Variants in RCAN1 observed in about 807,000 individuals in gnomAD.
RCAN1 encodes the protein regulator of calcineurin 1.
Under a neutral mutation model 22.9 loss-of-function variants are expected in RCAN1, and 11 were observed. The observed-to-expected ratio is 0.48, with a 90% CI of 0.30 to 0.79. The LOEUF (loss-of-function observed/expected upper bound fraction) is 0.79, where lower values mean the gene tolerates loss of function less well. RCAN1 is among the 30% of genes least tolerant of loss of function. The probability of loss-of-function intolerance (pLI) is 0.06; values close to 1 mark genes in which losing one functional copy is unlikely to be tolerated. For missense variants in RCAN1, 291 were observed against 337.8 expected, an observed-to-expected ratio of 0.86 and a Z score of 1.09; for synonymous variants, 136 against 142.3, an observed-to-expected ratio of 0.96 and a Z score of 0.32.
chr21:34,596,331 G>A (rs1344699476), intron 1 of RCAN1, among the ~76,000 whole-genome samples: 1 of 152,176 alleles, frequency 6.6e-6, no homozygotes, highest in East Asian at 1.9e-4. Context: ...TGCTTCTTTT[G>A]AATGAACGAC....
At chr21:34,558,683 A>T (rs1986677499) in intron 1 of RCAN1, among the ~76,000 whole-genome samples, 1 of 152,252 alleles carries the variant, frequency 6.6e-6, no homozygotes, top group African/African-American at 2.4e-5. Context: ...TGGTTTTTCA[A>T]GGAACCACGG....
At chr21:34,538,404 A>C (rs569732196) in intron 1 of RCAN1, among the ~76,000 whole-genome samples, 5 of 152,242 alleles carry the variant, frequency 3.3e-5, no homozygotes, top group Admixed American at 3.3e-4. Context: ...ATCCTGAGGG[A>C]GGACACAGTG....
chr21:34,586,369 C>A (rs1487133085), intron 1 of RCAN1, among the ~76,000 whole-genome samples: 1 of 147,964 alleles, frequency 6.8e-6, no homozygotes, highest in African/African-American at 2.5e-5. Flanking sequence ...AATGGAATTA[C>A]TCTAGGAATC....
intron 1 of RCAN1, among the ~76,000 whole-genome samples, chr21:34,569,922 T>C (rs1457781528): frequency 6.6e-6 from 1 of 152,168 alleles, no homozygotes; most frequent in Non-Finnish European, 1.5e-5. Flanking sequence ...GCTCACAAGA[T>C]CCACTCAAGG....
intron 1 of RCAN1, among the ~76,000 whole-genome samples, chr21:34,556,100 T>A (rs796391147): frequency 1.3e-3 from 32 of 23,982 alleles, no homozygotes; most frequent in East Asian, 4.0e-3. Context: ...AAATAAATAA[T>A]TAAAGGCCAA....
At chr21:34,565,931 T>C (rs1487221562) in intron 1 of RCAN1, among the ~76,000 whole-genome samples, 1 of 152,186 alleles carries the variant, frequency 6.6e-6, no homozygotes, top group Non-Finnish European at 1.5e-5. Flanking sequence ...TGTGTGTGTG[T>C]TCGTGTGAAC....
rs77285459 is a variant in RCAN1, at chr21:34,586,171, T to G, written c.252+28589A>C. ...GTAAGGCCATAGATGACATAAACAA[T>G]ACGAATAACAAACTTAACCCAACTG... On this transcript the variant is annotated intron_variant, in intron 1 of 3. Coordinates refer to ENST00000313806, the MANE Select transcript of RCAN1 (RefSeq NM_004414.7). Among the ~76,000 whole-genome samples, 1,112 of 152,230 alleles carry G rather than the reference T, an allele frequency of 7.3e-3. 14 individuals are homozygous for G. Among genetic ancestry groups the G allele is most frequent in the African/African-American group, 0.026 (1,070 of 41,546 alleles).
At chr21:34,526,135 T>A (rs1985033725) in intron 1 of RCAN1, among the ~76,000 whole-genome samples, 1 of 152,238 alleles carries the variant, frequency 6.6e-6, no homozygotes, top group Admixed American at 6.5e-5. Flanking sequence ...CAAAGAGAGC[T>A]GCTGCCCAGG....
Position 34,518,052 on chromosome 21 carries a change from T to A in RCAN1, c.*32A>T, listed in dbSNP as rs1362711860. On this transcript the variant is annotated 3_prime_UTR_variant, in exon 4 of 4. Transcript: ENST00000313806. This position sits in a 1 kb window ranked among gnomAD's most constrained non-coding sequence, Gnocchi z 4.2. ...CAGTAAAAGATTCCTCCCGTGAGTA[T>A]GATTTGGAATGCGTCCTCGTCGCGT... 1 of 1,611,642 alleles carries A rather than the reference T, an allele frequency of 6.2e-7. No homozygotes were observed. Among genetic ancestry groups the A allele is most frequent in the Admixed American group, 1.7e-5 (1 of 59,892 alleles).
chr21:34,537,504 T>C (rs950228137), intron 1 of RCAN1, among the ~76,000 whole-genome samples: 4 of 152,212 alleles, frequency 2.6e-5, no homozygotes, highest in Admixed American at 2.6e-4. Flanking sequence ...CAGAGCTCCA[T>C]TTCACTGTGG....
At chr21:34,533,387 T>C (rs1225372940) in intron 1 of RCAN1, among the ~76,000 whole-genome samples, 4 of 152,224 alleles carry the variant, frequency 2.6e-5, no homozygotes, top group Non-Finnish European at 4.4e-5. Context: ...TTGGGGTTTT[T>C]TTAATCAAAT....
chr21:34,536,109 A>G (rs1038151082), intron 1 of RCAN1, among the ~76,000 whole-genome samples: 2 of 152,048 alleles, frequency 1.3e-5, no homozygotes, highest in African/African-American at 4.8e-5. Context: ...AAGGTTAACC[A>G]CCCCACTGTA....
At chr21:34,554,061 T>C (rs893070104) in intron 1 of RCAN1, among the ~76,000 whole-genome samples, 5 of 152,252 alleles carry the variant, frequency 3.3e-5, no homozygotes, top group African/African-American at 1.2e-4. Context: ...GAATTACTTA[T>C]GATTAAGACA....
intron 1 of RCAN1, among the ~76,000 whole-genome samples, chr21:34,558,799 G>C (rs1986683068): frequency 6.6e-6 from 1 of 152,134 alleles, no homozygotes; most frequent in South Asian, 2.1e-4. Flanking sequence ...TCATCTCCTG[G>C]ATCTCGCCCT....
At chr21:34,593,011 T>C (rs949550565) in intron 1 of RCAN1, among the ~76,000 whole-genome samples, 39 of 152,350 alleles carry the variant, frequency 2.6e-4, no homozygotes, top group African/African-American at 8.7e-4. Context: ...ACAGTGGTTA[T>C]GTGTCAATGC....
At chr21:34,561,858 G>T (rs1044805532) in intron 1 of RCAN1, among the ~76,000 whole-genome samples, 3 of 152,190 alleles carry the variant, frequency 2.0e-5, no homozygotes, top group African/African-American at 7.2e-5. Context: ...GCTGGAGCAC[G>T]CTGGGCTGCT....
At position 34,614,639 on chromosome 21, in the gene RCAN1, G is replaced by T. The variant is rs189911031; in HGVS notation, c.252+121C>A. On this transcript the variant is annotated intron_variant, in intron 1 of 3. Coordinates refer to ENST00000313806, the MANE Select transcript of RCAN1 (RefSeq NM_004414.7). The surrounding 1 kb of genome is among the most constrained non-coding windows in gnomAD (Gnocchi z 6.0). ...GACGGGTCCGCGGCCGAGCAGCCCG[G>T]GGGACGTCGCTGCCTCCCCGCCCCG... 6.3e-4 allele frequency: 710 copies of T among 1,121,500 alleles called. 9 individuals carry two copies. The East Asian group carries it at 0.029, about 46-fold the overall frequency. The allele number at this position is 1,121,500 out of a possible 1,614,324, so 69.5% of individuals were successfully genotyped here.
chr21:34,573,622 A>AAG (rs1987308833), intron 1 of RCAN1, among the ~76,000 whole-genome samples: 1 of 152,090 alleles, frequency 6.6e-6, no homozygotes, highest in Admixed American at 6.5e-5. Context: ...CTCAACTTCC[A>AAG]CTTTATAAAA....
chr21:34,601,557 A>G (rs201674477), intron 1 of RCAN1, among the ~76,000 whole-genome samples: 109 of 152,292 alleles, frequency 7.2e-4, no homozygotes, highest in African/African-American at 1.4e-3. Flanking sequence ...GGTGGCTCAC[A>G]CCTGTAATCC....
Sources: allele counts gnomAD v4.1 joint callset (sites outside exome capture counted in the v4.1 genomes callset), GRCh38; gene constraint gnomAD v4.1.1; non-coding constraint Gnocchi (gnomAD v3.1); transcripts MANE v1.5; gene names NCBI Gene and HGNC (gene_info 2026-07-23, HGNC 2026-07-21).